The following ORC1 variants were observed in gnomAD, a reference collection of about 807,000 sequenced individuals.
ORC1 encodes the protein origin recognition complex subunit 1, also known as origin recognition complex, subunit 1 homolog.
Under a neutral mutation model 98.9 loss-of-function variants are expected in ORC1, and 61 were observed. The observed-to-expected ratio is 0.62, with a 90% CI of 0.50 to 0.76. The LOEUF (loss-of-function observed/expected upper bound fraction) is 0.76, where lower values mean the gene tolerates loss of function less well. Among genes scored for constraint, ORC1 ranks in the 30% least tolerant of loss-of-function variants. The pLI, the probability that ORC1 is intolerant of heterozygous loss-of-function variation, is 0.00. For missense variants in ORC1, 979 were observed against 1,072.2 expected (o/e 0.91, Z 1.21); for synonymous variants, 385 against 406.9 (o/e 0.95, Z 0.65).
chr1:52,385,314 A>G (rs775924147), intron 9 of ORC1, 52 bp from the exon 10 acceptor site: 2 of 1,103,958 alleles, frequency 1.8e-6, no homozygotes, highest in African/African-American at 3.1e-5. Context: ...ACATTCCCCA[A>G]CCATCTACTC....
intron 16 of ORC1, 47 bp from the exon 17 acceptor site, chr1:52,373,422 G>A: frequency 6.5e-7 from 1 of 1,527,410 alleles, no homozygotes; most frequent in Non-Finnish European, 9.1e-7. Flanking sequence ...TACAATCCTG[G>A]GGCTTTTTCT....
chr1:52,378,759 C>T (rs1193306104), intron 14 of ORC1, among the ~76,000 whole-genome samples: 3 of 151,786 alleles, frequency 2.0e-5, no homozygotes, highest in East Asian at 1.9e-4. Context: ...TAGTGCCAGG[C>T]GCGGTGGCTC....
At chr1:52,383,590 G>A (rs371684138) in intron 12 of ORC1, 21 bp from the exon 13 acceptor site, 8 of 1,613,706 alleles carry the variant, frequency 5.0e-6, no homozygotes, top group Admixed American at 1.7e-5. Flanking sequence ...AAAGGAGAGA[G>A]GTGCAGAGTC....
rs535343195 is a variant in ORC1 at position 52,390,430 on chromosome 1, A to G, written c.1083-1109T>C. On this transcript the variant is annotated intron_variant, in intron 6 of 16. Coordinates refer to ENST00000371568, the MANE Select transcript of ORC1 (RefSeq NM_004153.4). ...CCGACTGATGTTCGACAAAGCAAAC[A>G]AAAACATAAAGTGGGAAAAGGACAC... Among the ~76,000 whole-genome samples, 23 of 152,360 alleles carry G rather than the reference A, an allele frequency of 1.5e-4. No homozygotes were observed. In the South Asian group the frequency reaches 4.4e-3, roughly 29 times the overall value.
intron 13 of ORC1, among the ~76,000 whole-genome samples, chr1:52,383,131 C>T (rs1048597991): frequency 1.3e-5 from 2 of 151,520 alleles, no homozygotes; most frequent in Admixed American, 6.6e-5. Context: ...TGCAGTGGCA[C>T]GATCTCAACT....
chr1:52,393,902 C>A, intron 5 of ORC1, 99 bp from the exon 6 acceptor site: 1 of 1,262,182 alleles, frequency 7.9e-7, no homozygotes, highest in Non-Finnish European at 1.1e-6. Context: ...ATATGTAAAA[C>A]AGGAATTATC....
chr1:52,401,768 C>T (rs978376704), intron 2 of ORC1, among the ~76,000 whole-genome samples: 2 of 152,120 alleles, frequency 1.3e-5, no homozygotes, highest in Non-Finnish European at 2.9e-5. Context: ...CAAATGTTTC[C>T]CAAGGCTGTC....
rs964465224 is a variant in ORC1 at position 52,401,352 on chromosome 1, C to T, written c.223+10G>A. On this transcript the variant is annotated intron_variant, in intron 3 of 16. Coordinates refer to ENST00000371568, the MANE Select transcript of ORC1 (RefSeq NM_004153.4). The stretch of plus-strand genomic sequence containing the variant: ...CAAGGAATGGTTTATTATTCCAGTC[C>T]CAAACTCACCATCTTCGAACAACTC... 5.0e-6 allele frequency: 8 copies of T among 1,613,920 alleles called. No individual in the cohort carries two copies. Among genetic ancestry groups the T allele is most frequent in the African/African-American group, 4.0e-5 (3 of 74,904 alleles).
chr1:52,396,815 G>A (rs1647421134), intron 4 of ORC1, among the ~76,000 whole-genome samples: 1 of 151,998 alleles, frequency 6.6e-6, no homozygotes, highest in South Asian at 2.1e-4. Context: ...AAACATGCTC[G>A]CCTGCTCAAC....
chr1:52,373,109 G>A lies in ORC1; in HGVS notation c.*72C>T. On this transcript the variant is annotated 3_prime_UTR_variant, in exon 17 of 17. Transcript: ENST00000371568. ...ATCGTGCCACTGCACTCCAGCCTGG[G>A]CGACAGAGCAAGACCCTGTCTCAAA... The A allele has an allele frequency of 1.3e-6, 2 of 1,499,934 alleles. No individual in the cohort carries two copies. The highest frequency in any genetic ancestry group is 3.3e-5 in the Admixed American group (2 of 59,842). 92.9% of individuals were successfully genotyped at this position (1,499,934 alleles called of 1,614,324 possible).
At chr1:52,394,078 T>A (rs1040389081) in intron 5 of ORC1, among the ~76,000 whole-genome samples, 2 of 152,230 alleles carry the variant, frequency 1.3e-5, no homozygotes, top group South Asian at 2.1e-4. Context: ...CTAACAGGTT[T>A]CCCTGAAATA....
chr1:52,401,565 GA>G, intron 2 of ORC1, 76 bp from the exon 3 acceptor site: 1 of 1,529,672 alleles, frequency 6.5e-7, no homozygotes, highest in Non-Finnish European at 9.0e-7. Context: ...GGGCACAAAG[GA>G]GAGGGCTCTC....
At chr1:52,389,633 A>T (rs1647185046) in intron 6 of ORC1, among the ~76,000 whole-genome samples, 1 of 152,196 alleles carries the variant, frequency 6.6e-6, no homozygotes, top group Non-Finnish European at 1.5e-5. Flanking sequence ...TTTCTGATGC[A>T]TGCATGAATT....
intron 5 of ORC1, 113 bp from the exon 6 acceptor site, chr1:52,393,916 AT>A: frequency 8.6e-7 from 1 of 1,162,834 alleles, no homozygotes; most frequent in Non-Finnish European, 1.2e-6. Flanking sequence ...AATTATCTAT[AT>A]TTTTAATCAT....
intron 5 of ORC1, 105 bp downstream of exon 5, chr1:52,395,941 T>C: frequency 6.5e-7 from 1 of 1,545,494 alleles, no homozygotes. Context: ...TTCCAGGCTA[T>C]AGTGCACTGT....
chr1:52,405,944 T>C (rs532455739), upstream of ORC1: 58 of 959,538 alleles, frequency 6.0e-5, no homozygotes, highest in African/African-American at 9.4e-4. Context: ...TTCTAGAGAG[T>C]TCCACTCCAG....
chr1:52,385,758 T>C, intron 9 of ORC1, 94 bp downstream of exon 9: 1 of 817,320 alleles, frequency 1.2e-6, no homozygotes, highest in Non-Finnish European at 2.1e-6. Context: ...TATCTACCTT[T>C]ATTAGGTAGA....
chr1:52,387,936 G>C (rs1647165050), intron 8 of ORC1, among the ~76,000 whole-genome samples: 1 of 152,258 alleles, frequency 6.6e-6, no homozygotes, highest in Non-Finnish European at 1.5e-5. Flanking sequence ...AGAAGATCCT[G>C]ATCTGAATAC....
At chr1:52,379,752 G>C (rs1647037426) in intron 14 of ORC1, among the ~76,000 whole-genome samples, 1 of 151,706 alleles carries the variant, frequency 6.6e-6, no homozygotes, top group Non-Finnish European at 1.5e-5. Flanking sequence ...GGCCAACATG[G>C]TTAAACCCTG....
Sources: allele counts gnomAD v4.1 joint callset (sites outside exome capture counted in the v4.1 genomes callset), GRCh38; gene constraint gnomAD v4.1.1; transcripts MANE v1.5; gene names NCBI Gene and HGNC (gene_info 2026-07-23, HGNC 2026-07-21).